PXDNL: variants seen among roughly 807,000 people sequenced by gnomAD.
PXDNL encodes the protein peroxidasin like, also known as probable oxidoreductase PXDNL.
Under a neutral mutation model 150.8 loss-of-function variants are expected in PXDNL, and 145 were observed. That is an observed-to-expected ratio of 0.96 (90% confidence interval 0.84 to 1.10). PXDNL has a LOEUF of 1.10. Ranked by LOEUF, PXDNL falls within the 50% of genes least tolerant of loss-of-function variation. The probability of loss-of-function intolerance (pLI) is 0.00; values close to 1 mark genes in which losing one functional copy is unlikely to be tolerated. For missense variants in PXDNL, 2,087 were observed against 1,873.9 expected (o/e 1.11, Z -2.10); for synonymous variants, 757 against 725.7 (o/e 1.04, Z -0.69).
At chr8:51,494,798 C>T (rs1052459878) in intron 5 of PXDNL, among the ~76,000 whole-genome samples, 27 of 151,938 alleles carry the variant, frequency 1.8e-4, no homozygotes, top group Non-Finnish European at 3.4e-4. Context: ...TAGAGACCTA[C>T]AAAGAGACTT....
intron 17 of PXDNL, among the ~76,000 whole-genome samples, chr8:51,375,717 C>A (rs1347881601): frequency 6.6e-6 from 1 of 152,152 alleles, no homozygotes; most frequent in African/African-American, 2.4e-5. Flanking sequence ...TCAACTTTTA[C>A]ACTATGAACA....
intron 19 of PXDNL, among the ~76,000 whole-genome samples, chr8:51,353,673 G>A (rs1482372408): frequency 6.6e-6 from 1 of 152,122 alleles, no homozygotes; most frequent in Non-Finnish European, 1.5e-5. Context: ...TGAAGATAAA[G>A]TTAATTTTAG....
At chr8:51,672,518 A>G (rs1301701483) in intron 1 of PXDNL, among the ~76,000 whole-genome samples, 18 of 152,290 alleles carry the variant, frequency 1.2e-4, no homozygotes, top group Admixed American at 1.2e-3. Context: ...AGAATAGTAG[A>G]GAAGGAAATG....
chr8:51,545,191 T>C (rs1239939313), intron 4 of PXDNL, among the ~76,000 whole-genome samples: 1 of 152,176 alleles, frequency 6.6e-6, no homozygotes, highest in African/African-American at 2.4e-5. Flanking sequence ...CACTTACTGC[T>C]GAGAATTATG....
intron 2 of PXDNL, among the ~76,000 whole-genome samples, chr8:51,643,739 C>T (rs905554481): frequency 1.3e-5 from 2 of 152,080 alleles, no homozygotes; most frequent in African/African-American, 4.8e-5. Flanking sequence ...AAGAAACTAC[C>T]GTCAGAGTGA....
At chr8:51,617,097 G>A (rs938612397) in intron 2 of PXDNL, among the ~76,000 whole-genome samples, 7 of 152,164 alleles carry the variant, frequency 4.6e-5, no homozygotes, top group Admixed American at 2.6e-4. Flanking sequence ...AGAATAGACC[G>A]TTAACAGGGA....
intron 19 of PXDNL, among the ~76,000 whole-genome samples, chr8:51,358,532 A>G (rs1315807038): frequency 6.6e-6 from 1 of 152,168 alleles, no homozygotes; most frequent in Non-Finnish European, 1.5e-5. Flanking sequence ...ATGCTGATTA[A>G]TGCTGTCAGA....
intron 17 of PXDNL, among the ~76,000 whole-genome samples, chr8:51,398,272 G>C (rs1044831872): frequency 6.6e-6 from 1 of 152,198 alleles, no homozygotes; most frequent in African/African-American, 2.4e-5. Context: ...AGCTGCACTC[G>C]AGGCTGCCAT....
chr8:51,704,930 C>A (rs191026062), intron 1 of PXDNL, among the ~76,000 whole-genome samples: 4 of 152,222 alleles, frequency 2.6e-5, no homozygotes, highest in Admixed American at 2.0e-4. Flanking sequence ...GTAAACAGCA[C>A]CTACACATAA....
At chr8:51,647,728 A>G (rs1814948846) in intron 2 of PXDNL, among the ~76,000 whole-genome samples, 1 of 152,318 alleles carries the variant, frequency 6.6e-6, no homozygotes, top group Middle Eastern at 3.4e-3. Flanking sequence ...TCTGTGCATC[A>G]GTGTCCTCAG....
At chr8:51,642,300 A>G (rs113397896) in intron 2 of PXDNL, among the ~76,000 whole-genome samples, 11,047 of 152,110 alleles carry the variant, frequency 0.073, 1,342 homozygotes, top group African/African-American at 0.25. Flanking sequence ...GGGCACATGT[A>G]TACATATGTA....
At position 51,423,678 on chromosome 8, in the gene PXDNL, C is replaced by T. The variant is rs370914039; in HGVS notation, c.1692G>A (p.Thr564=). ...GGAACCCTGCGTCGTAGATAGTCAG[C>T]GTGCCTTCATCATCCACATGGAATT... The part of the protein sequence containing the change: ...SGKFHVDDEG[T]LTIYDAGFPD... The change falls in exon 14 of 23, where the codon ACG becomes ACA. Residue 564 remains threonine (T), a synonymous_variant. Transcript: ENST00000356297. The T allele has an allele frequency of 1.8e-5, 29 of 1,613,708 alleles. No homozygotes were observed. Among genetic ancestry groups the T allele is most frequent in the African/African-American group, 6.7e-5 (5 of 75,042 alleles).
intron 17 of PXDNL, among the ~76,000 whole-genome samples, chr8:51,403,582 C>T (rs184973134): frequency 6.0e-4 from 92 of 152,336 alleles, no homozygotes; most frequent in Middle Eastern, 3.4e-3. Flanking sequence ...ACACGTCTCA[C>T]ACATATCACA....
chr8:51,734,842 C>G (rs568719668), intron 1 of PXDNL, among the ~76,000 whole-genome samples: 1 of 152,216 alleles, frequency 6.6e-6, no homozygotes, highest in South Asian at 2.1e-4. Flanking sequence ...AAGGCAAATA[C>G]AGTGAAGGTC....
intron 4 of PXDNL, among the ~76,000 whole-genome samples, chr8:51,549,956 G>A (rs144107100): frequency 1.5e-3 from 226 of 152,114 alleles, no homozygotes; most frequent in Middle Eastern, 0.01. Context: ...AAGAAAAGAA[G>A]GGAGAAGATC....
intron 14 of PXDNL, among the ~76,000 whole-genome samples, chr8:51,415,965 G>A (rs1024590175): frequency 2.0e-5 from 3 of 152,094 alleles, no homozygotes; most frequent in Admixed American, 6.5e-5. Flanking sequence ...AAAGTCAGTA[G>A]GAATGAGCCT....
chr8:51,449,103 G>A lies in PXDNL; in HGVS notation c.1265C>T (p.Thr422Ile). 2.6e-6 allele frequency: 4 copies of A among 1,545,808 alleles called. No individual in the cohort carries two copies. Among genetic ancestry groups the A allele is most frequent in the Non-Finnish European group, 3.5e-6 (4 of 1,142,804 alleles). The change falls in exon 11 of 23, where the codon ACA (threonine) becomes ATA (isoleucine). Residue 422 changes from threonine to isoleucine, a missense_variant. Physicochemically the swap from Thr to Ile is moderately conservative, Grantham distance 89 (BLOSUM62 -1). Coordinates refer to ENST00000356297, the MANE Select transcript of PXDNL (RefSeq NM_144651.5). ...NIIVQAPPQF[T>I]VTPKDQVVLE... ...CACCACTTGATCCTTGGGGGTTACT[G>A]TAAATTGTGGAGGAGCTAAAGAGAA...
chr8:51,705,615 AT>A (rs1331388505), intron 1 of PXDNL, among the ~76,000 whole-genome samples: 1 of 152,224 alleles, frequency 6.6e-6, no homozygotes, highest in Non-Finnish European at 1.5e-5. Flanking sequence ...CGGTGAGATA[AT>A]GTGTGTAAGA....
chr8:51,493,041 C>A (rs1050530123), intron 5 of PXDNL, among the ~76,000 whole-genome samples: 1 of 152,160 alleles, frequency 6.6e-6, no homozygotes, highest in Non-Finnish European at 1.5e-5. Flanking sequence ...CCAGTAGGGG[C>A]AGACTGACAA....
Sources: gnomAD v4.1 joint callset for allele counts (sites outside exome capture counted in the v4.1 genomes callset) on GRCh38, gnomAD v4.1.1 for gene constraint, MANE v1.5 for transcripts, NCBI Gene and HGNC (gene_info 2026-07-23, HGNC 2026-07-21) for gene names.